KIAA1328: variants seen among roughly 807,000 people sequenced by gnomAD.
KIAA1328 encodes KIAA1328.
A neutral mutation model predicts 68.1 loss-of-function variants in KIAA1328; 52 were observed. The observed-to-expected ratio is 0.76, with a 90% confidence interval of 0.61 to 0.96. The LOEUF (loss-of-function observed/expected upper bound fraction) is 0.96, where lower values mean the gene tolerates loss of function less well. Ranked by LOEUF, KIAA1328 falls within the 40% of genes least tolerant of loss-of-function variation. KIAA1328 has a pLI of 0.00. For missense variants in KIAA1328, 641 were observed against 677.6 expected, an observed-to-expected ratio of 0.95 and a Z score of 0.60; for synonymous variants, 232 against 239.4, an observed-to-expected ratio of 0.97 and a Z score of 0.28.
intron 7 of KIAA1328, among the ~76,000 whole-genome samples, chr18:37,125,965 G>A (rs1227787919): frequency 1.3e-5 from 2 of 152,100 alleles, no homozygotes; most frequent in African/African-American, 4.8e-5. Flanking sequence ...TTACTGTTAA[G>A]TACTTGTGCG....
At chr18:36,912,675 C>T (rs2049502799) in intron 5 of KIAA1328, among the ~76,000 whole-genome samples, 1 of 152,164 alleles carries the variant, frequency 6.6e-6, no homozygotes, top group Non-Finnish European at 1.5e-5. Flanking sequence ...TTCCCAAAGT[C>T]TAATGCTGCA....
At chr18:37,169,677 A>G (rs561969452) in intron 8 of KIAA1328, among the ~76,000 whole-genome samples, 13 of 152,350 alleles carry the variant, frequency 8.5e-5, no homozygotes, top group Middle Eastern at 3.4e-3. Context: ...GCAATAAGGA[A>G]TAGAACTTAG....
At chr18:36,984,253 A>T (rs8086280) in intron 6 of KIAA1328, among the ~76,000 whole-genome samples, 1 of 152,170 alleles carries the variant, frequency 6.6e-6, no homozygotes, top group Non-Finnish European at 1.5e-5. Context: ...AAAGTTTCAG[A>T]CCATGTAATA....
At chr18:37,160,162 C>T (rs2059246548) in intron 7 of KIAA1328, 38 bp from the exon 8 acceptor site, 1 of 1,562,338 alleles carries the variant, frequency 6.4e-7, no homozygotes, top group African/African-American at 1.4e-5. Flanking sequence ...GTGTTCCCTT[C>T]TGTGCCTTCA....
intron 9 of KIAA1328, among the ~76,000 whole-genome samples, chr18:37,207,288 A>G (rs2060233614): frequency 6.6e-6 from 1 of 152,170 alleles, no homozygotes; most frequent in Non-Finnish European, 1.5e-5. Context: ...TAGCCATTTC[A>G]AAAGATCCCC....
chr18:36,868,106 T>C (rs55766643), intron 4 of KIAA1328, among the ~76,000 whole-genome samples: 1 of 152,096 alleles, frequency 6.6e-6, no homozygotes, highest in Non-Finnish European at 1.5e-5. Context: ...AATAAAAGAA[T>C]AGAATACGAA....
intron 5 of KIAA1328, among the ~76,000 whole-genome samples, chr18:36,916,570 A>T (rs928237746): frequency 6.6e-6 from 1 of 151,848 alleles, no homozygotes; most frequent in Non-Finnish European, 1.5e-5. Context: ...TTTATTTTTT[A>T]AATGCTGCTA....
At chr18:37,183,619 A>T (rs191188978) in intron 9 of KIAA1328, among the ~76,000 whole-genome samples, 1 of 152,274 alleles carries the variant, frequency 6.6e-6, no homozygotes, top group Admixed American at 6.5e-5. Flanking sequence ...CTCCCAAGGG[A>T]TTATCAAAGT....
intron 8 of KIAA1328, among the ~76,000 whole-genome samples, chr18:37,171,427 C>G (rs2654539): frequency 0.097 from 14,694 of 152,134 alleles, 2,394 homozygotes; most frequent in African/African-American, 0.33. Context: ...GTTGCCCAGG[C>G]TGGTCTTCAA....
chr18:37,189,138 T>C (rs2059857338), intron 9 of KIAA1328, among the ~76,000 whole-genome samples: 1 of 152,216 alleles, frequency 6.6e-6, no homozygotes, highest in Non-Finnish European at 1.5e-5. Flanking sequence ...AACATTTCTC[T>C]GTTAACCCTG....
chr18:37,133,525 A>ATTTT (rs530477761), intron 7 of KIAA1328, among the ~76,000 whole-genome samples: 3 of 134,610 alleles, frequency 2.2e-5, no homozygotes, highest in African/African-American at 5.6e-5. Context: ...CTATATAGTA[A>ATTTT]TTTTTTTTTT....
At chr18:37,150,692 T>C (rs1338203129) in intron 7 of KIAA1328, among the ~76,000 whole-genome samples, 1 of 152,088 alleles carries the variant, frequency 6.6e-6, no homozygotes, top group Non-Finnish European at 1.5e-5. Context: ...AATCAGTCAA[T>C]GTAATTTGTG....
At chr18:37,056,513 C>T (rs1568345696) in intron 6 of KIAA1328, among the ~76,000 whole-genome samples, 2 of 151,934 alleles carry the variant, frequency 1.3e-5, no homozygotes. Flanking sequence ...TCAATTCTGT[C>T]GTAAACCAAA....
intron 9 of KIAA1328, among the ~76,000 whole-genome samples, chr18:37,215,359 A>AGGG (rs140455899): frequency 6.6e-6 from 1 of 152,196 alleles, no homozygotes; most frequent in African/African-American, 2.4e-5. Context: ...TTTAGTATGA[A>AGGG]GGCTGTTGAA....
intron 6 of KIAA1328, among the ~76,000 whole-genome samples, chr18:37,008,692 G>A (rs1241655912): frequency 1.3e-5 from 2 of 152,132 alleles, no homozygotes; most frequent in Non-Finnish European, 2.9e-5. Flanking sequence ...GTTCTCAGCA[G>A]AGAAATAGAG....
At chr18:37,128,697 A>G (rs774310155) in intron 7 of KIAA1328, among the ~76,000 whole-genome samples, 3 of 152,354 alleles carry the variant, frequency 2.0e-5, no homozygotes, top group African/African-American at 4.8e-5. Context: ...AGACCTGTAC[A>G]TGAATATTCA....
At chr18:37,024,975 C>G (rs1482173769) in intron 6 of KIAA1328, among the ~76,000 whole-genome samples, 1 of 152,124 alleles carries the variant, frequency 6.6e-6, no homozygotes, top group Non-Finnish European at 1.5e-5. Flanking sequence ...AGTGGTTGAA[C>G]AAGTTTACAG....
At chr18:36,900,585 G>A (rs2049005547) in intron 5 of KIAA1328, among the ~76,000 whole-genome samples, 1 of 151,896 alleles carries the variant, frequency 6.6e-6, no homozygotes, top group African/African-American at 2.4e-5. Context: ...AGTTTTAATA[G>A]TAGTTATTTA....
At chr18:36,909,664 A>G (rs142189110) in intron 5 of KIAA1328, among the ~76,000 whole-genome samples, 20,711 of 152,172 alleles carry the variant, frequency 0.14, 1,759 homozygotes, top group Admixed American at 0.18. Flanking sequence ...ATGGGTTGGC[A>G]GGGTCAAATG....
Sources: allele counts gnomAD v4.1 joint callset (sites outside exome capture counted in the v4.1 genomes callset), GRCh38; gene constraint gnomAD v4.1.1; transcripts MANE v1.5; gene names NCBI Gene and HGNC (gene_info 2026-07-23, HGNC 2026-07-21).